Variants in RHOBTB1 observed in about 807,000 individuals in gnomAD.
RHOBTB1 encodes Rho related BTB domain containing 1, also known as rho-related BTB domain-containing protein 1.
Under a neutral mutation model 71.6 loss-of-function variants are expected in RHOBTB1, and 40 were observed. That is an observed-to-expected ratio of 0.56 (90% CI 0.43 to 0.73). The LOEUF is 0.73. Ranked by LOEUF, RHOBTB1 falls within the 30% of genes least tolerant of loss-of-function variation. The pLI is 0.00. For synonymous variants in RHOBTB1, 319 were observed against 334.9 expected (o/e 0.95, Z 0.52); for missense variants, 797 against 894.0 (o/e 0.89, Z 1.38).
intron 1 of RHOBTB1, among the ~76,000 whole-genome samples, chr10:60,986,432 A>ATATATATAT (rs66585379): frequency 1.5e-4 from 11 of 74,328 alleles, no homozygotes; most frequent in African/African-American, 5.0e-4. Flanking sequence ...TATATATATA[A>ATATATATAT]AATATATATA....
At chr10:60,955,341 A>G (rs996627572) in intron 2 of RHOBTB1, among the ~76,000 whole-genome samples, 2 of 151,814 alleles carry the variant, frequency 1.3e-5, no homozygotes, top group African/African-American at 4.9e-5. Flanking sequence ...ACACCCAGCC[A>G]GCAAGGGGAA....
chr10:60,986,415 AT>A (rs2086666539), intron 1 of RHOBTB1, among the ~76,000 whole-genome samples: 1 of 144,376 alleles, frequency 6.9e-6, no homozygotes, highest in East Asian at 2.1e-4. Flanking sequence ...ATATATATAT[AT>A]ATATATATAT....
chr10:60,958,639 G>A (rs144799101), intron 2 of RHOBTB1, among the ~76,000 whole-genome samples: 3 of 152,188 alleles, frequency 2.0e-5, no homozygotes, highest in African/African-American at 7.2e-5. Context: ...GGTCTCACTC[G>A]GTTGCCCATG....
chr10:60,970,760 T>C (rs2086125973), intron 2 of RHOBTB1, among the ~76,000 whole-genome samples: 1 of 152,024 alleles, frequency 6.6e-6, no homozygotes, highest in Admixed American at 6.6e-5. Flanking sequence ...TTTGTCACAA[T>C]ACAAATAGGG....
chr10:60,890,328 A>G (rs548804748), intron 5 of RHOBTB1, among the ~76,000 whole-genome samples: 1 of 152,098 alleles, frequency 6.6e-6, no homozygotes, highest in African/African-American at 2.4e-5. Context: ...CACAGTCCTC[A>G]CTGCTGCAAG....
intron 4 of RHOBTB1, among the ~76,000 whole-genome samples, chr10:60,906,934 G>A (rs367554429): frequency 6.6e-4 from 101 of 152,348 alleles, no homozygotes; most frequent in East Asian, 2.1e-3. Context: ...TCGTGATGTC[G>A]TGGGAGGGAC....
rs1464034040 is a variant in RHOBTB1, at chr10:60,918,421, CT to C, written c.-10-6870del. Among the ~76,000 whole-genome samples, 4 of 152,316 alleles carry C rather than the reference CT, an allele frequency of 2.6e-5. No homozygotes were observed. In the East Asian group the frequency reaches 5.8e-4, roughly 22 times the overall value. On this transcript the variant is annotated intron_variant, in intron 2 of 10. Coordinates refer to ENST00000337910, the MANE Select transcript of RHOBTB1 (RefSeq NM_014836.5). Reference sequence around the variant, plus strand: ...TCCCAGGAAGTTCTGCGCATGCCCACTCCCTCACTCACAAGACACCTAGAAG... The same window carrying C: ...TCCCAGGAAGTTCTGCGCATGCCCACCCCTCACTCACAAGACACCTAGAAG...
chr10:60,958,477 G>A (rs532454654), intron 2 of RHOBTB1, among the ~76,000 whole-genome samples: 1 of 152,202 alleles, frequency 6.6e-6, no homozygotes, highest in African/African-American at 2.4e-5. Flanking sequence ...GCAAAACTTG[G>A]AATTGAAACA....
Position 60,873,715 on chromosome 10 carries a change from C to A in RHOBTB1, c.1815+1239G>T, listed in dbSNP as rs113363552. Among the ~76,000 whole-genome samples the A allele has an allele frequency of 6.5e-3, 989 of 152,306 alleles. 11 individuals are homozygous for A. The highest frequency in any genetic ancestry group is 0.023 in the African/African-American group (948 of 41,566). On this transcript the variant is annotated intron_variant, in intron 9 of 10. Coordinates refer to ENST00000337910, the MANE Select transcript of RHOBTB1 (RefSeq NM_014836.5). ...ACCCCAAATTCCAAGTGTGAACAAC[C>A]AGTTTTGATGGGGGCTTGCTGATTC...
intron 2 of RHOBTB1, among the ~76,000 whole-genome samples, chr10:60,954,352 G>A (rs191527149): frequency 6.6e-6 from 1 of 152,124 alleles, no homozygotes; most frequent in Non-Finnish European, 1.5e-5. Flanking sequence ...AAATACAGAA[G>A]ATATAGCAGT....
chr10:60,961,811 GTTTTTT>G (rs58771689), intron 2 of RHOBTB1, among the ~76,000 whole-genome samples: 1 of 127,222 alleles, frequency 7.9e-6, no homozygotes, highest in Non-Finnish European at 1.6e-5. Flanking sequence ...ACCTTTTTTT[GTTTTTT>G]TTTTTTTTTG....
chr10:60,904,378 AT>A (rs2133196348), intron 4 of RHOBTB1, among the ~76,000 whole-genome samples: 1 of 152,286 alleles, frequency 6.6e-6, no homozygotes, highest in Admixed American at 6.5e-5. Context: ...AATGGCAAAC[AT>A]TTCCATCACC....
At chr10:61,001,675 A>G (rs1304202160), upstream of RHOBTB1, among the ~76,000 whole-genome samples, 4 of 151,442 alleles carry the variant, frequency 2.6e-5, no homozygotes, top group East Asian at 7.8e-4. Context: ...CGGGGCCCCA[A>G]CGCCTAGGCG....
chr10:60,946,424 G>GT (rs2134334975), upstream of RHOBTB1, among the ~76,000 whole-genome samples: 1 of 152,300 alleles, frequency 6.6e-6, no homozygotes, highest in East Asian at 1.9e-4. Flanking sequence ...GCCCTCATAT[G>GT]TGGGGGGGCA....
intron 1 of RHOBTB1, among the ~76,000 whole-genome samples, chr10:60,995,245 A>T (rs1017369946): frequency 6.6e-6 from 1 of 152,154 alleles, no homozygotes; most frequent in African/African-American, 2.4e-5. Context: ...TGTACCAGGC[A>T]CCTTACTGAG....
At chr10:60,929,978 A>G (rs4408258) in intron 2 of RHOBTB1, among the ~76,000 whole-genome samples, 6,545 of 152,294 alleles carry the variant, frequency 0.043, 200 homozygotes, top group Middle Eastern at 0.13. Context: ...CAAATCCCCC[A>G]AAGTGTAAAT....
downstream of RHOBTB1, among the ~76,000 whole-genome samples, chr10:60,866,548 C>T (rs2080635975): frequency 6.6e-6 from 1 of 152,078 alleles, no homozygotes; most frequent in South Asian, 2.1e-4. Flanking sequence ...CACTGAGAAG[C>T]ATGGCTAACT....
intron 4 of RHOBTB1, among the ~76,000 whole-genome samples, chr10:60,910,191 C>T (rs892140819): frequency 6.6e-6 from 1 of 152,094 alleles, no homozygotes; most frequent in African/African-American, 2.4e-5. Flanking sequence ...AGCTATAACC[C>T]ATTCATTGAG....
At chr10:60,933,828 A>T (rs185122770) in intron 2 of RHOBTB1, among the ~76,000 whole-genome samples, 1 of 152,314 alleles carries the variant, frequency 6.6e-6, no homozygotes, top group East Asian at 1.9e-4. Flanking sequence ...GTGTTATAGG[A>T]GTACACTCAT....
Sources: gnomAD v4.1 joint callset for allele counts (sites outside exome capture counted in the v4.1 genomes callset) on GRCh38, gnomAD v4.1.1 for gene constraint, MANE v1.5 for transcripts, NCBI Gene and HGNC (gene_info 2026-07-23, HGNC 2026-07-21) for gene names.